DGKB: variants seen among roughly 807,000 people sequenced by gnomAD.
DGKB encodes diacylglycerol kinase beta.
Under a neutral mutation model 114.3 loss-of-function variants are expected in DGKB, and 67 were observed. The ratio of observed to expected loss-of-function variants is 0.59; its 90% confidence interval spans 0.48 to 0.72. DGKB has a LOEUF of 0.72. DGKB is among the 30% of genes least tolerant of loss of function. DGKB has a pLI of 0.00. For synonymous variants in DGKB, 398 were observed against 323.1 expected, an observed-to-expected ratio of 1.23 and a Z score of -2.49; for missense variants, 907 against 975.2, an observed-to-expected ratio of 0.93 and a Z score of 0.93.
intron 5 of DGKB, among the ~76,000 whole-genome samples, chr7:14,720,100 G>A (rs976404587): frequency 1.8e-4 from 27 of 151,316 alleles, no homozygotes; most frequent in South Asian, 2.1e-4. Flanking sequence ...ACACACGCAC[G>A]CACGCACACA....
At chr7:14,909,257 G>A (rs1401494300) in intron 1 of DGKB, among the ~76,000 whole-genome samples, 2 of 152,060 alleles carry the variant, frequency 1.3e-5, no homozygotes, top group Non-Finnish European at 2.9e-5. Flanking sequence ...GGTGAATAAT[G>A]TCTTATCTTT....
chr7:14,842,090 T>A (rs1252791963), intron 1 of DGKB, among the ~76,000 whole-genome samples: 3 of 152,192 alleles, frequency 2.0e-5, no homozygotes, highest in Admixed American at 1.3e-4. Context: ...TGAAAAACCA[T>A]CTGGTTTCAA....
intron 25 of DGKB, among the ~76,000 whole-genome samples, chr7:14,154,161 T>C: frequency 7.0e-6 from 1 of 142,612 alleles, no homozygotes; most frequent in East Asian, 2.1e-4. Context: ...GATAAATTGA[T>C]ATGGTAGAGT....
intron 1 of DGKB, among the ~76,000 whole-genome samples, chr7:14,973,139 T>C (rs2115313958): frequency 6.6e-6 from 1 of 152,116 alleles, no homozygotes; most frequent in South Asian, 2.1e-4. Flanking sequence ...TTGAAGTTTT[T>C]TCACTAAAAA....
chr7:14,951,202 T>C (rs547364217), intron 1 of DGKB, among the ~76,000 whole-genome samples: 5 of 152,002 alleles, frequency 3.3e-5, no homozygotes, highest in African/African-American at 7.2e-5. Flanking sequence ...GACAAGGGTG[T>C]CTGCTGTTTC....
In DGKB at chr7:14,188,620, A is replaced by G. The variant is rs1191198478; in HGVS notation, c.2123-10469T>C. Among the ~76,000 whole-genome samples, 3 of 138,322 alleles carry G rather than the reference A, an allele frequency of 2.2e-5. 1 individual carries two copies. Among genetic ancestry groups the G allele is most frequent in the Non-Finnish European group, 4.5e-5 (3 of 65,966 alleles). The allele number at this position is 138,322 out of a possible 152,430, so 90.7% of individuals were successfully genotyped here. A position where few individuals can be genotyped will look rare whatever the true frequency, so the allele number is the denominator to read the frequency against. ...GCTTGCAGTGAGCCTAGATCCCGCC[A>G]CTGCACTCCAGCCTGGGCGACAAAG... is the stretch of plus-strand genomic sequence containing the variant. On this transcript the variant is annotated intron_variant, in intron 23 of 25. Coordinates refer to ENST00000402815, the MANE Select transcript of DGKB (RefSeq NM_001350709.2).
intron 25 of DGKB, among the ~76,000 whole-genome samples, chr7:14,172,223 C>A (rs1408090125): frequency 7.9e-6 from 1 of 126,654 alleles, no homozygotes; most frequent in Non-Finnish European, 1.8e-5. Flanking sequence ...CAGGAAGCCT[C>A]ACTCAAACCA....
At chr7:14,443,897 C>A (rs1273378957) in intron 21 of DGKB, among the ~76,000 whole-genome samples, 2 of 151,834 alleles carry the variant, frequency 1.3e-5, no homozygotes, top group East Asian at 3.9e-4. Flanking sequence ...TTCTATTTAT[C>A]ATTTACTTCT....
At chr7:14,460,167 A>C (rs1051352787) in intron 21 of DGKB, among the ~76,000 whole-genome samples, 1 of 152,204 alleles carries the variant, frequency 6.6e-6, no homozygotes, top group African/African-American at 2.4e-5. Flanking sequence ...AAGACCATCA[A>C]TGCTATGAAG....
chr7:14,591,224 G>A (rs1801651087), intron 17 of DGKB, among the ~76,000 whole-genome samples: 1 of 152,098 alleles, frequency 6.6e-6, no homozygotes. Context: ...GTGTCAGGAA[G>A]GATTTCACTC....
chr7:14,966,175 G>T (rs1001486846), intron 1 of DGKB, among the ~76,000 whole-genome samples: 1 of 151,830 alleles, frequency 6.6e-6, no homozygotes, highest in Non-Finnish European at 1.5e-5. Flanking sequence ...TCCTTCTCCT[G>T]TTTTCTACTG....
chr7:14,859,160 A>C (rs544997221), intron 1 of DGKB, among the ~76,000 whole-genome samples: 1 of 152,242 alleles, frequency 6.6e-6, no homozygotes, highest in South Asian at 2.1e-4. Context: ...CATGATCAGT[A>C]ATCAAGAAAT....
At chr7:14,694,270 G>T in intron 8 of DGKB, 76 bp from the exon 9 acceptor site, 9 of 1,283,738 alleles carry the variant, frequency 7.0e-6, no homozygotes, top group Middle Eastern at 5.4e-4. Context: ...ATATGAAATT[G>T]TGACTAACAG....
intron 4 of DGKB, among the ~76,000 whole-genome samples, chr7:14,741,246 A>G (rs1256798335): frequency 6.6e-6 from 1 of 152,188 alleles, no homozygotes; most frequent in Non-Finnish European, 1.5e-5. Flanking sequence ...CAAAGAGATA[A>G]AATATTTTTT....
At chr7:14,387,096 G>A (rs1210730493) in intron 21 of DGKB, among the ~76,000 whole-genome samples, 7 of 134,146 alleles carry the variant, frequency 5.2e-5, no homozygotes, top group Admixed American at 1.5e-4. Flanking sequence ...TGTTTCTTTT[G>A]ATTATTTATT....
chr7:14,547,760 G>A (rs1442434144), intron 20 of DGKB, among the ~76,000 whole-genome samples: 1 of 152,040 alleles, frequency 6.6e-6, no homozygotes, highest in Non-Finnish European at 1.5e-5. Context: ...CTAAAAGCAG[G>A]TAAGATTAAA....
chr7:14,413,097 T>TCCAATTTCATCCATGTCCCTACAA (rs1227873272), intron 21 of DGKB, among the ~76,000 whole-genome samples: 1 of 151,984 alleles, frequency 6.6e-6, no homozygotes, highest in Non-Finnish European at 1.5e-5. Context: ...GTGATGGATT[T>TCCAATTTCATCCATGTCCCTACAA]AGGAGCTACT....
chr7:14,360,076 G>A (rs6461091), intron 21 of DGKB, among the ~76,000 whole-genome samples: 78,633 of 151,956 alleles, frequency 0.52, 22,783 homozygotes, highest in African/African-American at 0.79. Flanking sequence ...ATGTCCTTCA[G>A]TGATAGACTG....
At chr7:14,508,727 C>G (rs1584466315) in intron 20 of DGKB, among the ~76,000 whole-genome samples, 2 of 152,078 alleles carry the variant, frequency 1.3e-5, no homozygotes, top group East Asian at 3.9e-4. Context: ...GTTGAAAATA[C>G]TTTGAAAATT....
Sources: allele counts gnomAD v4.1 joint callset (sites outside exome capture counted in the v4.1 genomes callset), GRCh38; gene constraint gnomAD v4.1.1; transcripts MANE v1.5; gene names NCBI Gene and HGNC (gene_info 2026-07-23, HGNC 2026-07-21).